The following TMPRSS9 variants were observed in gnomAD, a reference collection of about 807,000 sequenced individuals.
TMPRSS9 encodes transmembrane serine protease 9.
Under a neutral mutation model 111.4 loss-of-function variants are expected in TMPRSS9, and 113 were observed. The ratio of observed to expected loss-of-function variants is 1.01; its 90% CI spans 0.87 to 1.19. The LOEUF (loss-of-function observed/expected upper bound fraction) is 1.19. Among genes scored for constraint, TMPRSS9 ranks in the 50% most tolerant of loss-of-function variants. The pLI is 0.00. For synonymous variants in TMPRSS9, 805 were observed against 659.1 expected, an observed-to-expected ratio of 1.22 and a Z score of -3.39; for missense variants, 1,803 against 1,513.1, an observed-to-expected ratio of 1.19 and a Z score of -3.18.
At chr19:2,362,812 G>C (rs1219269144) in intron 1 of TMPRSS9, among the ~76,000 whole-genome samples, 1 of 151,832 alleles carries the variant, frequency 6.6e-6, no homozygotes, top group Admixed American at 6.6e-5. Context: ...GGTTGTATGT[G>C]GTTGTGTGAG....
At chr19:2,406,018 T>C (rs1218421485) in intron 7 of TMPRSS9, among the ~76,000 whole-genome samples, 5 of 140,802 alleles carry the variant, frequency 3.6e-5, no homozygotes, top group Admixed American at 7.3e-5. Flanking sequence ...TTCTTTCTTT[T>C]TTTTTTTTTT....
Position 2,414,037 on chromosome 19 carries a change from G to T in TMPRSS9, c.1573+19G>T. On this transcript the variant is annotated intron_variant, in intron 10 of 17. Transcript: ENST00000648592. ...CTACAAGGTATTTTCGGGGCAGAAA[G>T]GTAGAAGATGATGTACGTGCCTATC... The T allele has an allele frequency of 1.3e-6, 2 of 1,532,260 alleles. No individual in the cohort carries two copies. The highest frequency in any genetic ancestry group is 2.7e-5 in the African/African-American group (2 of 72,746). 94.9% of individuals were successfully genotyped at this position (1,532,260 alleles called of 1,614,324 possible).
intron 6 of TMPRSS9, among the ~76,000 whole-genome samples, chr19:2,404,709 T>C (rs1970932015): frequency 6.6e-6 from 1 of 152,040 alleles, no homozygotes; most frequent in Non-Finnish European, 1.5e-5. Context: ...GGCAGGCAGA[T>C]CACTTGATGT....
At chr19:2,394,807 A>G (rs1164007802) in intron 1 of TMPRSS9, among the ~76,000 whole-genome samples, 1 of 151,966 alleles carries the variant, frequency 6.6e-6, no homozygotes, top group Non-Finnish European at 1.5e-5. Context: ...GCTGGTGTGC[A>G]CTTCTGGTAG....
chr19:2,377,897 C>A (rs1262353541), intron 1 of TMPRSS9, among the ~76,000 whole-genome samples: 1 of 149,372 alleles, frequency 6.7e-6, no homozygotes, highest in Non-Finnish European at 1.5e-5. Context: ...AATTTTTTTG[C>A]AGAGACAGGG....
At chr19:2,365,370 C>A (rs1187489796) in intron 1 of TMPRSS9, among the ~76,000 whole-genome samples, 1 of 151,894 alleles carries the variant, frequency 6.6e-6, no homozygotes, top group Non-Finnish European at 1.5e-5. Flanking sequence ...TATTAAATTT[C>A]CTGTAGGCTT....
upstream of TMPRSS9, among the ~76,000 whole-genome samples, chr19:2,389,609 C>T (rs1345946101): frequency 6.6e-6 from 1 of 151,404 alleles, no homozygotes; most frequent in Non-Finnish European, 1.5e-5. Context: ...CTCAAATCGT[C>T]CTCCTGCCTC....
At chr19:2,378,368 T>C (rs1462899634) in intron 1 of TMPRSS9, among the ~76,000 whole-genome samples, 1 of 152,170 alleles carries the variant, frequency 6.6e-6, no homozygotes, top group Admixed American at 6.6e-5. Flanking sequence ...ACTGGGACCA[T>C]TGGTCCCTGT....
rs1049894701 is a variant in TMPRSS9 at position 2,421,743 on chromosome 19, GC to G, written c.2155-105del. The G allele has an allele frequency of 7.2e-6, 9 of 1,258,528 alleles. No individual in the cohort carries two copies. In the South Asian group the frequency reaches 7.4e-5, roughly 10 times the overall value. The allele number at this position is 1,258,528 out of a possible 1,614,324, so 78.0% of individuals were successfully genotyped here. Reference sequence around the variant, plus strand: ...TCTCCAGACCCGCGCTGTGCCCTCTGCCCCCCGCCCTCGATGGCTCCCACCC... The same window carrying G: ...TCTCCAGACCCGCGCTGTGCCCTCTGCCCCCGCCCTCGATGGCTCCCACCC... On this transcript the variant is annotated intron_variant, in intron 13 of 17. Transcript: ENST00000648592.
At chr19:2,411,299 CAAAAAAAAAAAAA>C (rs771305642) in intron 9 of TMPRSS9, among the ~76,000 whole-genome samples, 22 of 32,318 alleles carry the variant, frequency 6.8e-4, no homozygotes, top group East Asian at 1.8e-3. Context: ...GACTCTGTCT[CAAAAAAAAAAAAA>C]AAAAAAAAAA....
intron 6 of TMPRSS9, among the ~76,000 whole-genome samples, 163 bp from the exon 8 acceptor site, chr19:2,405,211 G>C (rs896629157): frequency 2.6e-5 from 4 of 152,076 alleles, no homozygotes; most frequent in Admixed American, 2.0e-4. Context: ...GAAGAGGAAG[G>C]GATGGGGAGA....
At chr19:2,388,132 C>T (rs966170796), upstream of TMPRSS9, among the ~76,000 whole-genome samples, 2 of 152,154 alleles carry the variant, frequency 1.3e-5, no homozygotes, top group South Asian at 2.1e-4. Context: ...TGGCTCACGC[C>T]GGTAATCCCA....
intron 1 of TMPRSS9, among the ~76,000 whole-genome samples, chr19:2,382,427 C>G (rs1459162645): frequency 6.6e-6 from 1 of 152,162 alleles, no homozygotes; most frequent in Non-Finnish European, 1.5e-5. Flanking sequence ...CCACCGCGCC[C>G]GGTCAAAACA....
At chr19:2,420,258 G>A (rs1971432523) in intron 13 of TMPRSS9, among the ~76,000 whole-genome samples, 1 of 152,102 alleles carries the variant, frequency 6.6e-6, no homozygotes, top group Admixed American at 6.6e-5. Flanking sequence ...GGCCAACATG[G>A]CGAAACCCTG....
chr19:2,379,657 CTTTCT>C (rs1317539220), intron 1 of TMPRSS9, among the ~76,000 whole-genome samples: 28 of 149,150 alleles, frequency 1.9e-4, no homozygotes, highest in African/African-American at 6.2e-4. Flanking sequence ...TTCTTTCTTT[CTTTCT>C]TTCTTTCTTT....
upstream of TMPRSS9, among the ~76,000 whole-genome samples, chr19:2,388,712 C>T (rs369782773): frequency 7.2e-5 from 11 of 152,092 alleles, no homozygotes; most frequent in African/African-American, 2.4e-4. Flanking sequence ...CTTCCACCTC[C>T]TGGGCTCAAG....
At chr19:2,371,612 G>A (rs180793136) in intron 1 of TMPRSS9, among the ~76,000 whole-genome samples, 5 of 152,190 alleles carry the variant, frequency 3.3e-5, no homozygotes, top group South Asian at 2.1e-4. Flanking sequence ...CAGGAGAATC[G>A]GTTGAACCCA....
upstream of TMPRSS9, among the ~76,000 whole-genome samples, chr19:2,387,422 G>GA (rs1207107363): frequency 1.3e-5 from 2 of 152,042 alleles, no homozygotes; most frequent in Non-Finnish European, 2.9e-5. Context: ...TTGAACCTGG[G>GA]AGGCAGAGGT....
rs962024367 is a variant in TMPRSS9 at position 2,408,640 on chromosome 19, T to C, written c.1117+10T>C. The stretch of plus-strand genomic sequence containing the variant: ...CTCAAGGAGGACTTCCGTAAGCATC[T>C]TCCTCGGCCTGCAAGTGAGCTCAGG... On this transcript the variant is annotated intron_variant, in intron 8 of 17. Coordinates refer to ENST00000648592, the Ensembl canonical transcript of TMPRSS9. The C allele has an allele frequency of 7.5e-6, 12 of 1,604,064 alleles. No individual in the cohort carries two copies. The highest frequency in any genetic ancestry group is 4.0e-5 in the African/African-American group (3 of 74,738).
Sources: gnomAD v4.1 joint callset for allele counts (sites outside exome capture counted in the v4.1 genomes callset) on GRCh38, gnomAD v4.1.1 for gene constraint, MANE v1.5 for transcripts, NCBI Gene and HGNC (gene_info 2026-07-23, HGNC 2026-07-21) for gene names.